NTRK3: variants seen among roughly 807,000 people sequenced by gnomAD.
NTRK3 encodes neurotrophic receptor tyrosine kinase 3.
In NTRK3, 24 loss-of-function variants were observed where a neutral mutation model predicts 91.7. The ratio of observed to expected loss-of-function variants is 0.26; its 90% CI spans 0.19 to 0.37. NTRK3 has a LOEUF of 0.37. NTRK3 is among the 10% of genes least tolerant of loss of function. The pLI, the probability that NTRK3 is intolerant of heterozygous loss-of-function variation, is 1.00. For synonymous variants in NTRK3, 483 were observed against 404.0 expected (o/e 1.20, Z -2.34); for missense variants, 880 against 1,068.9 (o/e 0.82, Z 2.46).
chr15:88,160,192 G>A (rs1194308873), intron 5 of NTRK3, among the ~76,000 whole-genome samples: 2 of 152,186 alleles, frequency 1.3e-5, no homozygotes, highest in South Asian at 2.1e-4. Flanking sequence ...GAGGAAGGAG[G>A]GGCGCCCCAG....
chr15:87,981,421 A>G, intron 14 of NTRK3: 1 of 1,613,048 alleles, frequency 6.2e-7, no homozygotes, highest in Non-Finnish European at 8.5e-7. Context: ...AGTGCAAAAA[A>G]CATGGGAAAG....
intron 13 of NTRK3, among the ~76,000 whole-genome samples, chr15:88,104,139 A>G (rs2050458144): frequency 6.6e-6 from 1 of 152,184 alleles, no homozygotes; most frequent in African/African-American, 2.4e-5. Context: ...TTTTACTACA[A>G]ATAACACTAA....
intron 18 of NTRK3, among the ~76,000 whole-genome samples, chr15:87,879,703 A>G (rs1247811571): frequency 6.6e-6 from 1 of 152,252 alleles, no homozygotes; most frequent in Non-Finnish European, 1.5e-5. Flanking sequence ...AATTATAAAA[A>G]ATATAATGGC....
At chr15:87,979,111 T>C (rs1286111264) in intron 14 of NTRK3, 2 of 599,680 alleles carry the variant, frequency 3.3e-6, no homozygotes, top group East Asian at 5.5e-5. Flanking sequence ...AGCTGCCTCG[T>C]AGGCCGGGAA....
At chr15:88,018,753 A>G (rs2077412301) in intron 14 of NTRK3, among the ~76,000 whole-genome samples, 1 of 152,166 alleles carries the variant, frequency 6.6e-6, no homozygotes, top group South Asian at 2.1e-4. Context: ...TTTTATGAGG[A>G]TTAAACAATT....
chr15:88,142,349 C>A (rs1228779678), intron 6 of NTRK3, among the ~76,000 whole-genome samples: 1 of 152,372 alleles, frequency 6.6e-6, no homozygotes, highest in East Asian at 1.9e-4. Flanking sequence ...TACCAACACC[C>A]GGCACTTGCC....
chr15:88,033,891 G>C (rs2078830106), intron 13 of NTRK3, among the ~76,000 whole-genome samples: 1 of 152,148 alleles, frequency 6.6e-6, no homozygotes, highest in African/African-American at 2.4e-5. Context: ...TGTGCACCCT[G>C]TACCTCCTCT....
At chr15:88,091,327 C>A (rs1376007576) in intron 13 of NTRK3, among the ~76,000 whole-genome samples, 2 of 152,160 alleles carry the variant, frequency 1.3e-5, no homozygotes, top group Non-Finnish European at 2.9e-5. Context: ...AAAGGTCAAC[C>A]CTGATCAACT....
chr15:87,880,944 A>G (rs2065209533), intron 17 of NTRK3, among the ~76,000 whole-genome samples: 1 of 152,238 alleles, frequency 6.6e-6, no homozygotes. Context: ...TGAAGGAGAC[A>G]GAGACATTCC....
intron 14 of NTRK3, among the ~76,000 whole-genome samples, chr15:88,013,451 C>T (rs1350135834): frequency 1.3e-5 from 2 of 152,150 alleles, no homozygotes; most frequent in African/African-American, 4.8e-5. Context: ...TCCACAGAAA[C>T]AATGAAATGC....
intron 13 of NTRK3, among the ~76,000 whole-genome samples, chr15:88,048,192 C>T (rs999166933): frequency 6.6e-6 from 1 of 152,154 alleles, no homozygotes; most frequent in Non-Finnish European, 1.5e-5. Context: ...AATCTTAGGC[C>T]ATCTTGATCT....
chr15:88,029,459 A>T (rs1208571676), intron 14 of NTRK3, among the ~76,000 whole-genome samples: 2 of 152,194 alleles, frequency 1.3e-5, no homozygotes, highest in African/African-American at 2.4e-5. Flanking sequence ...GAAAGATCCC[A>T]CTGTTTATAA....
intron 3 of NTRK3, among the ~76,000 whole-genome samples, chr15:88,203,362 G>T (rs143632863): frequency 6.6e-5 from 10 of 152,136 alleles, no homozygotes; most frequent in African/African-American, 2.4e-4. Context: ...GTCTCCTACC[G>T]CATGACTCAG....
intron 5 of NTRK3, among the ~76,000 whole-genome samples, chr15:88,159,596 C>T (rs1892399224): frequency 6.6e-6 from 1 of 152,182 alleles, no homozygotes; most frequent in African/African-American, 2.4e-5. Flanking sequence ...CCAATCAAAT[C>T]CCTCTGCCCT....
intron 5 of NTRK3, among the ~76,000 whole-genome samples, chr15:88,151,341 G>T (rs981483913): frequency 1.4e-4 from 22 of 152,042 alleles, no homozygotes; most frequent in Admixed American, 3.9e-4. Context: ...TGGGTGCTCC[G>T]GGAACAAGGA....
chr15:87,939,992 T>C (rs1169320412), intron 15 of NTRK3, among the ~76,000 whole-genome samples: 2 of 152,320 alleles, frequency 1.3e-5, no homozygotes, highest in East Asian at 3.9e-4. Context: ...ACAGAAGCCC[T>C]GTGGTTAAGG....
exon 19 of NTRK3, chr15:87,871,311 G>C: frequency 4.3e-6 from 1 of 231,376 alleles, no homozygotes; most frequent in Middle Eastern, 1.3e-3. Context: ...CCAAGATTCA[G>C]CTCTTCAGGG....
intron 13 of NTRK3, among the ~76,000 whole-genome samples, chr15:88,046,819 C>T (rs1376921017): frequency 6.6e-6 from 1 of 152,230 alleles, no homozygotes; most frequent in East Asian, 1.9e-4. Context: ...ATAAGCATTT[C>T]ATTCGAACAG....
At chr15:87,937,976 A>T (rs1029544709) in intron 15 of NTRK3, among the ~76,000 whole-genome samples, 1 of 152,134 alleles carries the variant, frequency 6.6e-6, no homozygotes, top group Non-Finnish European at 1.5e-5. Context: ...ACGAAAAAAA[A>T]AAAGGAAAAA....
Sources: gnomAD v4.1 joint callset for allele counts (sites outside exome capture counted in the v4.1 genomes callset) on GRCh38, gnomAD v4.1.1 for gene constraint, MANE v1.5 for transcripts, NCBI Gene and HGNC (gene_info 2026-07-23, HGNC 2026-07-21) for gene names.